NXPE4: variants seen among roughly 807,000 people sequenced by gnomAD.
NXPE4 encodes neurexophilin and PC-esterase domain family member 4, also known as NXPE family member 4.
Under a neutral mutation model 33.3 loss-of-function variants are expected in NXPE4, and 42 were observed. That is an observed-to-expected ratio of 1.26 (90% CI 0.98 to 1.63). The LOEUF (loss-of-function observed/expected upper bound fraction) is 1.63. Ranked by LOEUF, NXPE4 falls within the 40% of genes most tolerant of loss-of-function variation. The pLI is 0.00. For synonymous variants in NXPE4, 253 were observed against 234.9 expected (o/e 1.08, Z -0.71); for missense variants, 709 against 647.6 (o/e 1.09, Z -1.03).
the NXPE4 span, among the ~76,000 whole-genome samples, chr11:114,626,705 A>G: frequency 2.0e-5 from 3 of 152,254 alleles, no homozygotes; most frequent in Non-Finnish European, 4.4e-5. Context: ...AAGGCTTCAG[A>G]CAATCAAATT....
chr11:114,606,891 G>A, the NXPE4 span, among the ~76,000 whole-genome samples: 1 of 151,996 alleles, frequency 6.6e-6, no homozygotes, highest in African/African-American at 2.4e-5. Flanking sequence ...TGCCTCATGG[G>A]TAACCACTGT....
chr11:114,577,159 G>C, intron 5 of NXPE4, among the ~76,000 whole-genome samples: 1 of 127,576 alleles, frequency 7.8e-6, no homozygotes, highest in Admixed American at 8.4e-5. Flanking sequence ...ATATATATGT[G>C]TCATATATAT....
the NXPE4 span, among the ~76,000 whole-genome samples, chr11:114,630,866 C>G: frequency 4.6e-5 from 7 of 151,482 alleles, no homozygotes; most frequent in African/African-American, 1.7e-4. Flanking sequence ...GGGCAAAGGA[C>G]ATGAACAGAC....
At chr11:114,611,816 G>T in the NXPE4 span, among the ~76,000 whole-genome samples, 30 of 151,980 alleles carry the variant, frequency 2.0e-4, 1 homozygote, top group South Asian at 6.2e-3. Context: ...GGAAACCACT[G>T]TTACCCGGTG....
At chr11:114,592,533 A>T (rs1297435922) in intron 2 of NXPE4, among the ~76,000 whole-genome samples, 2 of 150,800 alleles carry the variant, frequency 1.3e-5, no homozygotes, top group Non-Finnish European at 3.0e-5. Flanking sequence ...ACACACACTC[A>T]CACACACACA....
chr11:114,612,440 A>T, the NXPE4 span, among the ~76,000 whole-genome samples: 2 of 151,874 alleles, frequency 1.3e-5, no homozygotes, highest in African/African-American at 4.8e-5. Context: ...CTCGTGGGTC[A>T]CCACTGCTAC....
chr11:114,654,485 C>T, the NXPE4 span, among the ~76,000 whole-genome samples: 1 of 152,068 alleles, frequency 6.6e-6, no homozygotes, highest in South Asian at 2.1e-4. Context: ...ACCCCAACCC[C>T]CAACAGGCTC....
At chr11:114,656,324 G>T in the NXPE4 span, among the ~76,000 whole-genome samples, 1 of 152,136 alleles carries the variant, frequency 6.6e-6, no homozygotes, top group Non-Finnish European at 1.5e-5. Context: ...TGGATAGGAA[G>T]AATCAATATC....
At chr11:114,607,683 C>T in the NXPE4 span, among the ~76,000 whole-genome samples, 12 of 145,152 alleles carry the variant, frequency 8.3e-5, no homozygotes, top group South Asian at 4.5e-4. Context: ...TGTTGAGTTG[C>T]GGGTAACCAC....
At chr11:114,634,478 C>T in the NXPE4 span, among the ~76,000 whole-genome samples, 5 of 151,932 alleles carry the variant, frequency 3.3e-5, no homozygotes, top group African/African-American at 9.7e-5. Flanking sequence ...TTAGATCCCA[C>T]TTGTCAATTT....
At chr11:114,674,280 CT>C in the NXPE4 span, among the ~76,000 whole-genome samples, 1 of 151,648 alleles carries the variant, frequency 6.6e-6, no homozygotes, top group East Asian at 1.9e-4. Context: ...TTAATTTTCT[CT>C]TGAAAAATCA....
chr11:114,612,601 G>A, the NXPE4 span, among the ~76,000 whole-genome samples: 9 of 151,958 alleles, frequency 5.9e-5, no homozygotes, highest in Non-Finnish European at 1.3e-4. Flanking sequence ...TTGCCTCACG[G>A]GTAACCAGAG....
upstream of NXPE4, among the ~76,000 whole-genome samples, chr11:114,596,064 A>C (rs745835152): frequency 1.2e-4 from 19 of 152,222 alleles, no homozygotes; most frequent in Admixed American, 1.3e-4. Flanking sequence ...AATGATTGAG[A>C]GTAATCATCA....
chr11:114,604,038 C>T, the NXPE4 span, among the ~76,000 whole-genome samples: 7 of 151,732 alleles, frequency 4.6e-5, no homozygotes, highest in South Asian at 4.1e-4. Context: ...AACAGTATTG[C>T]CTCATAGGTA....
chr11:114,652,519 C>T, the NXPE4 span, among the ~76,000 whole-genome samples: 1 of 152,168 alleles, frequency 6.6e-6, no homozygotes, highest in Non-Finnish European at 1.5e-5. Flanking sequence ...TGGAATTCAT[C>T]TCTAAGGGCT....
chr11:114,571,608 G>A, intron 5 of NXPE4, 135 bp from the exon 6 acceptor site: 2 of 858,764 alleles, frequency 2.3e-6, no homozygotes, highest in Non-Finnish European at 3.5e-6. Flanking sequence ...GTTTAGATGA[G>A]GGGATGTTTT....
chr11:114,607,963 T>C, the NXPE4 span, among the ~76,000 whole-genome samples: 1 of 151,808 alleles, frequency 6.6e-6, no homozygotes, highest in Non-Finnish European at 1.5e-5. Flanking sequence ...CAGTGGATAA[T>C]AAGTGTTGCC....
At chr11:114,667,214 G>A in the NXPE4 span, among the ~76,000 whole-genome samples, 1 of 152,072 alleles carries the variant, frequency 6.6e-6, no homozygotes, top group African/African-American at 2.4e-5. Context: ...AGAAATGAAG[G>A]TATCTTTCTG....
intron 5 of NXPE4, among the ~76,000 whole-genome samples, chr11:114,572,777 G>A (rs1391767200): frequency 2.6e-5 from 4 of 152,088 alleles, no homozygotes; most frequent in Non-Finnish European, 1.5e-5. Flanking sequence ...TTAAAAGTCT[G>A]GAAAACATAT....
Sources: gnomAD v4.1 joint callset for allele counts (sites outside exome capture counted in the v4.1 genomes callset) on GRCh38, gnomAD v4.1.1 for gene constraint, MANE v1.5 for transcripts, NCBI Gene and HGNC (gene_info 2026-07-23, HGNC 2026-07-21) for gene names.